Variants in PHACTR1 observed in about 807,000 individuals in gnomAD.
PHACTR1 encodes RPEL repeat containing 1.
In PHACTR1, 16 loss-of-function variants were observed where a neutral mutation model predicts 69.2. The ratio of observed to expected loss-of-function variants is 0.23; its 90% CI spans 0.16 to 0.35. The LOEUF (loss-of-function observed/expected upper bound fraction) is 0.35, where lower values mean the gene tolerates loss of function less well. PHACTR1 is among the 10% of genes least tolerant of loss of function. PHACTR1 has a pLI of 1.00. For missense variants in PHACTR1, 510 were observed against 734.7 expected (o/e 0.69, Z 3.54); for synonymous variants, 312 against 284.5 (o/e 1.10, Z -0.97).
chr6:12,798,686 C>T (rs1344721452), intron 4 of PHACTR1, among the ~76,000 whole-genome samples: 1 of 152,172 alleles, frequency 6.6e-6, no homozygotes, highest in East Asian at 1.9e-4. Flanking sequence ...TTTGGATGGT[C>T]GCTGAAGAGG....
intron 4 of PHACTR1, among the ~76,000 whole-genome samples, chr6:12,854,511 G>T (rs977983291): frequency 6.6e-6 from 1 of 151,446 alleles, no homozygotes; most frequent in Non-Finnish European, 1.5e-5. Flanking sequence ...ATGAATTTTT[G>T]TCCAGGGACT....
intron 7 of PHACTR1, among the ~76,000 whole-genome samples, chr6:13,197,756 C>T (rs1452135658): frequency 3.3e-5 from 5 of 152,176 alleles, no homozygotes; most frequent in East Asian, 1.9e-4. Flanking sequence ...ATTCTGCCCT[C>T]GGCCCACAGC....
At chr6:13,087,050 CTTTG>C (rs541737881) in intron 5 of PHACTR1, among the ~76,000 whole-genome samples, 212 of 150,954 alleles carry the variant, frequency 1.4e-3, no homozygotes, top group Non-Finnish European at 2.1e-3. Flanking sequence ...ATTTTTATAT[CTTTG>C]TTTAAGTATT....
chr6:13,004,335 T>C (rs1798520123), intron 4 of PHACTR1, among the ~76,000 whole-genome samples: 1 of 152,126 alleles, frequency 6.6e-6, no homozygotes, highest in Non-Finnish European at 1.5e-5. Context: ...TGGTGTGAGA[T>C]GGTATCTTAC....
At chr6:13,115,685 G>A (rs751660796) in intron 5 of PHACTR1, among the ~76,000 whole-genome samples, 14 of 152,126 alleles carry the variant, frequency 9.2e-5, no homozygotes, top group Non-Finnish European at 1.6e-4. Flanking sequence ...AAACCCAGGC[G>A]TTTCCAGGCT....
intron 4 of PHACTR1, among the ~76,000 whole-genome samples, chr6:12,840,739 A>G (rs1209568342): frequency 1.3e-5 from 2 of 152,170 alleles, no homozygotes; most frequent in Non-Finnish European, 2.9e-5. Flanking sequence ...ACATAGGTCT[A>G]CACCTCCACC....
intron 3 of PHACTR1, among the ~76,000 whole-genome samples, chr6:12,735,948 T>C (rs1054950688): frequency 1.3e-5 from 2 of 152,310 alleles, no homozygotes; most frequent in South Asian, 4.1e-4. Context: ...CCTCTCCCTG[T>C]GTAGCCCACA....
intron 6 of PHACTR1, among the ~76,000 whole-genome samples, chr6:13,164,315 T>C (rs139738314): frequency 1.3e-5 from 2 of 152,306 alleles, no homozygotes; most frequent in Non-Finnish European, 2.9e-5. Flanking sequence ...TTTTTTAAGT[T>C]GTTCATTTCA....
In PHACTR1 at chr6:12,757,746, G is replaced by T. The variant is rs558466439; in HGVS notation, c.250+7956G>T. ...AGAACGATCATTTGGGGGCACGGAG[G>T]ATTGGTCAGGAGCTCAGAGAAAGAC... On this transcript the variant is annotated intron_variant, in intron 4 of 14. Transcript: ENST00000332995. Among the ~76,000 whole-genome samples, 7 of 152,308 alleles carry T rather than the reference G, an allele frequency of 4.6e-5. No individual in the cohort carries two copies. In the East Asian group the frequency reaches 9.7e-4, roughly 21 times the overall value.
intron 4 of PHACTR1, among the ~76,000 whole-genome samples, chr6:12,822,631 G>A (rs1162614423): frequency 2.6e-5 from 4 of 152,210 alleles, no homozygotes; most frequent in African/African-American, 9.6e-5. Context: ...GGGGCATCTA[G>A]CAAGGGTATG....
chr6:12,933,786 G>A (rs956089320), intron 4 of PHACTR1: 10 of 1,612,792 alleles, frequency 6.2e-6, no homozygotes, highest in African/African-American at 1.3e-5. Context: ...ATCTGCTCAG[G>A]CCCCAGTACA....
At chr6:12,924,496 C>T (rs1000864288) in intron 4 of PHACTR1, among the ~76,000 whole-genome samples, 3 of 152,158 alleles carry the variant, frequency 2.0e-5, no homozygotes, top group East Asian at 1.9e-4. Flanking sequence ...AACTATATGC[C>T]GGGCACGGTG....
chr6:12,727,813 C>A lies in PHACTR1; in HGVS notation c.103+8966C>A, dbSNP rs1199388177. Among the ~76,000 whole-genome samples the A allele has an allele frequency of 2.0e-5, 3 of 152,130 alleles. No homozygotes were observed. The East Asian group carries it at 5.8e-4, about 29-fold the overall frequency. ...CCTAACACTTCAAAATCAGCCCACG[C>A]CAATATCATTTTTAATATTTTTAAG... On this transcript the variant is annotated intron_variant, in intron 3 of 14. Transcript: ENST00000332995.
intron 7 of PHACTR1, among the ~76,000 whole-genome samples, chr6:13,186,227 C>G (rs1020010522): frequency 1.3e-5 from 2 of 152,206 alleles, no homozygotes; most frequent in Non-Finnish European, 2.9e-5. Flanking sequence ...CCATAAGCCT[C>G]CTTCTAGGCA....
At chr6:12,975,069 G>A (rs966335216) in intron 4 of PHACTR1, among the ~76,000 whole-genome samples, 2 of 152,170 alleles carry the variant, frequency 1.3e-5, no homozygotes, top group African/African-American at 2.4e-5. Context: ...AAAAGTAAGT[G>A]CTACTGGGTT....
intron 4 of PHACTR1, among the ~76,000 whole-genome samples, chr6:12,980,931 T>G (rs974742136): frequency 6.6e-6 from 1 of 152,250 alleles, no homozygotes; most frequent in African/African-American, 2.4e-5. Context: ...CTACTCTTCC[T>G]CCCATTTTTG....
intron 4 of PHACTR1, among the ~76,000 whole-genome samples, chr6:12,997,121 C>T (rs889023326): frequency 2.6e-5 from 4 of 151,744 alleles, no homozygotes; most frequent in African/African-American, 4.8e-5. Flanking sequence ...GCTGAGATCA[C>T]CCGCCATTGC....
intron 4 of PHACTR1, among the ~76,000 whole-genome samples, chr6:13,030,094 T>A (rs960238557): frequency 1.3e-5 from 2 of 152,258 alleles, no homozygotes; most frequent in African/African-American, 4.8e-5. Flanking sequence ...AAGTGCTGAA[T>A]AAATGGTGGC....
chr6:13,092,197 G>A (rs776415136), intron 5 of PHACTR1, among the ~76,000 whole-genome samples: 39 of 152,268 alleles, frequency 2.6e-4, no homozygotes, highest in Non-Finnish European at 5.0e-4. Flanking sequence ...TATAGATGGC[G>A]CTTCACTCAA....
Sources: allele counts gnomAD v4.1 joint callset (sites outside exome capture counted in the v4.1 genomes callset), GRCh38; gene constraint gnomAD v4.1.1; transcripts MANE v1.5; gene names NCBI Gene and HGNC (gene_info 2026-07-23, HGNC 2026-07-21).